Variants in FAM135B observed in about 807,000 individuals in gnomAD.
FAM135B encodes family with sequence similarity 135 member B, also known as protein FAM135B.
Under a neutral mutation model 127.7 loss-of-function variants are expected in FAM135B, and 43 were observed. The ratio of observed to expected loss-of-function variants is 0.34; its 90% CI spans 0.26 to 0.43. The LOEUF is 0.43. Ranked by LOEUF, FAM135B falls within the 20% of genes least tolerant of loss-of-function variation. The pLI is 1.00. For missense variants in FAM135B, 1,558 were observed against 1,725.6 expected, an observed-to-expected ratio of 0.90 and a Z score of 1.72; for synonymous variants, 670 against 665.1, an observed-to-expected ratio of 1.01 and a Z score of -0.11.
intron 2 of FAM135B, among the ~76,000 whole-genome samples, chr8:138,319,653 A>C (rs1333113103): frequency 6.6e-6 from 1 of 152,006 alleles, no homozygotes; most frequent in Non-Finnish European, 1.5e-5. Context: ...AAAAATAGTC[A>C]TCCTTTATTG....
intron 1 of FAM135B, among the ~76,000 whole-genome samples, chr8:138,476,508 T>C (rs1375567754): frequency 1.3e-5 from 2 of 151,270 alleles, no homozygotes; most frequent in Non-Finnish European, 2.9e-5. Flanking sequence ...TACTGTGAAC[T>C]GAAAACTACT....
chr8:138,240,518 T>A (rs1820674190), intron 7 of FAM135B, among the ~76,000 whole-genome samples: 1 of 152,168 alleles, frequency 6.6e-6, no homozygotes, highest in Non-Finnish European at 1.5e-5. Flanking sequence ...GCTTCCTACA[T>A]GAATATGATT....
intron 1 of FAM135B, among the ~76,000 whole-genome samples, chr8:138,494,552 A>C (rs1387335267): frequency 6.6e-6 from 1 of 152,184 alleles, no homozygotes; most frequent in African/African-American, 2.4e-5. Context: ...GAAGTGAGAA[A>C]TTGTTATTCT....
chr8:138,272,748 GGA>G (rs1823478506), intron 3 of FAM135B, among the ~76,000 whole-genome samples: 1 of 152,144 alleles, frequency 6.6e-6, no homozygotes, highest in Admixed American at 6.5e-5. Flanking sequence ...GAAACCCACT[GGA>G]TTTCCTTCGA....
At chr8:138,458,499 C>T (rs975459664) in intron 1 of FAM135B, among the ~76,000 whole-genome samples, 3 of 152,164 alleles carry the variant, frequency 2.0e-5, no homozygotes, top group Non-Finnish European at 2.9e-5. Flanking sequence ...TAGAAAGAAT[C>T]TGAAAATATT....
At chr8:138,215,063 C>G (rs1256868901) in intron 7 of FAM135B, among the ~76,000 whole-genome samples, 1 of 152,164 alleles carries the variant, frequency 6.6e-6, no homozygotes, top group Non-Finnish European at 1.5e-5. Flanking sequence ...TCCAGTGACT[C>G]AGACAACACA....
intron 3 of FAM135B, among the ~76,000 whole-genome samples, chr8:138,299,060 A>AAAATAAATAAAT (rs372645406): frequency 6.6e-4 from 90 of 136,158 alleles, no homozygotes; most frequent in Middle Eastern, 3.7e-3. Context: ...ATTCAGTCTC[A>AAAATAAATAAAT]AAATAAATAA....
At chr8:138,345,640 T>A (rs1054863135) in intron 2 of FAM135B, among the ~76,000 whole-genome samples, 12 of 152,174 alleles carry the variant, frequency 7.9e-5, no homozygotes, top group African/African-American at 2.9e-4. Context: ...TCCAACTCTA[T>A]CTGAAGCCAC....
rs138183158 is a variant in FAM135B, at chr8:138,221,913, C to T, written c.669+21029G>A. Among the ~76,000 whole-genome samples the T allele has an allele frequency of 1.0e-3, 159 of 152,312 alleles. 3 individuals are homozygous for T. In the East Asian group the frequency reaches 0.025, roughly 24 times the overall value. Reference sequence around the variant, plus strand: ...CCTGAAAAATATAAAACCACAATGCCTATCATTGAATACAAAACTACTAGG... The same window carrying T: ...CCTGAAAAATATAAAACCACAATGCTTATCATTGAATACAAAACTACTAGG... On this transcript the variant is annotated intron_variant, in intron 7 of 19. Transcript: ENST00000395297.
In FAM135B at chr8:138,139,065, G is replaced by A. The variant is rs368204243; in HGVS notation, c.3822C>T (p.Ser1274=). ...GLWLMQKLKK[S]GSLLQLTFRD... ...TGAAGGTCAGCTGCAGTAGAGACCC[G>A]GATTTCTTCAGTTTCTGCATGAGCC... is the stretch of plus-strand genomic sequence containing the variant. The change falls in exon 18 of 20, where the codon TCC becomes TCT. Residue 1274 remains serine, a synonymous_variant. Transcript: ENST00000395297. 1.2e-5 allele frequency: 20 copies of A among 1,613,052 alleles called. No individual in the cohort carries two copies. The highest frequency in any genetic ancestry group is 8.0e-5 in the African/African-American group (6 of 74,854).
Position 138,274,478 on chromosome 8 carries a change from C to T in FAM135B, c.158-8636G>A, listed in dbSNP as rs965125396. Among the ~76,000 whole-genome samples, 40 of 152,158 alleles carry T rather than the reference C, an allele frequency of 2.6e-4. 1 individual carries two copies. The highest frequency in any genetic ancestry group is 7.7e-4 in the African/African-American group (32 of 41,440). On this transcript the variant is annotated intron_variant, in intron 3 of 19. Transcript: ENST00000395297. ...AGGGCGAGATCACAGGACCACAGGA[C>T]GGAGGCAAAATTAAAATTGCTAATG...
At chr8:138,192,365 C>A (rs889465822) in intron 9 of FAM135B, among the ~76,000 whole-genome samples, 1 of 152,220 alleles carries the variant, frequency 6.6e-6, no homozygotes, top group Admixed American at 6.5e-5. Context: ...TTTCCCAACA[C>A]AAACCCCCTT....
intron 3 of FAM135B, among the ~76,000 whole-genome samples, chr8:138,282,094 A>G (rs1824309251): frequency 6.6e-6 from 1 of 152,250 alleles, no homozygotes; most frequent in Admixed American, 6.5e-5. Flanking sequence ...CTTAATGAAA[A>G]TTATGTCTCT....
chr8:138,317,379 T>C (rs944500527), intron 2 of FAM135B, among the ~76,000 whole-genome samples: 2 of 152,122 alleles, frequency 1.3e-5, no homozygotes, highest in African/African-American at 4.8e-5. Flanking sequence ...CAAGCGGGTG[T>C]GGCTATCAAA....
intron 17 of FAM135B, 56 bp from the exon 18 acceptor site, chr8:138,139,152 C>G: frequency 1.8e-6 from 2 of 1,141,894 alleles, no homozygotes; most frequent in Non-Finnish European, 2.6e-6. Flanking sequence ...CAAAAACTAA[C>G]TGGGATGGAA....
intron 12 of FAM135B, among the ~76,000 whole-genome samples, chr8:138,163,954 G>A (rs555589331): frequency 9.2e-5 from 14 of 152,224 alleles, no homozygotes; most frequent in East Asian, 3.9e-4. Flanking sequence ...TCAGCCTCTC[G>A]AGAAGCTTGG....
intron 2 of FAM135B, chr8:138,358,589 TA>T (rs1364483125): frequency 3.3e-5 from 5 of 152,144 alleles, no homozygotes; most frequent in Non-Finnish European, 5.9e-5. Context: ...AAGTGAGATT[TA>T]AAAATTTTAA....
chr8:138,189,408 C>T (rs1165641197), intron 9 of FAM135B, among the ~76,000 whole-genome samples: 3 of 152,238 alleles, frequency 2.0e-5, no homozygotes, highest in South Asian at 2.1e-4. Flanking sequence ...CAAGAGCTCG[C>T]GTACCACAGG....
At chr8:138,434,727 T>C (rs1835368372) in intron 1 of FAM135B, among the ~76,000 whole-genome samples, 1 of 152,202 alleles carries the variant, frequency 6.6e-6, no homozygotes. Context: ...AGTGGAAAGC[T>C]ACTTACCTCT....
Sources: allele counts gnomAD v4.1 joint callset (sites outside exome capture counted in the v4.1 genomes callset), GRCh38; gene constraint gnomAD v4.1.1; transcripts MANE v1.5; gene names NCBI Gene and HGNC (gene_info 2026-07-23, HGNC 2026-07-21).